The following CTTNBP2 variants were observed in gnomAD, a reference collection of about 807,000 sequenced individuals.
The protein encoded by CTTNBP2 is cortactin binding protein 2.
CTTNBP2 carries 108 observed loss-of-function variants against 156.9 expected under a neutral mutation model. The ratio of observed to expected loss-of-function variants is 0.69; its 90% confidence interval spans 0.59 to 0.81. CTTNBP2 has a LOEUF of 0.81. CTTNBP2 is among the 30% of genes least tolerant of loss of function. CTTNBP2 has a pLI of 0.00. For missense variants in CTTNBP2, 1,924 were observed against 2,035.4 expected, an observed-to-expected ratio of 0.95 and a Z score of 1.05; for synonymous variants, 767 against 751.8, an observed-to-expected ratio of 1.02 and a Z score of -0.33.
chr7:117,807,830 T>C (rs1321918750), intron 3 of CTTNBP2, among the ~76,000 whole-genome samples: 1 of 152,218 alleles, frequency 6.6e-6, no homozygotes, highest in East Asian at 1.9e-4. Context: ...TTGTTTGTGA[T>C]GCTGGCTGGG....
At chr7:117,814,710 G>A (rs1205850176) in intron 2 of CTTNBP2, among the ~76,000 whole-genome samples, 1 of 152,214 alleles carries the variant, frequency 6.6e-6, no homozygotes, top group Non-Finnish European at 1.5e-5. Flanking sequence ...TTACAGGAGT[G>A]AGCCTCCGTG....
chr7:117,800,268 C>T (rs954064737), intron 3 of CTTNBP2, among the ~76,000 whole-genome samples: 1 of 151,916 alleles, frequency 6.6e-6, no homozygotes, highest in Non-Finnish European at 1.5e-5. Flanking sequence ...TCATCGTTTA[C>T]CTAAAATTCT....
At chr7:117,725,300 T>G in intron 17 of CTTNBP2, 43 bp from the exon 18 acceptor site, 1 of 1,544,654 alleles carries the variant, frequency 6.5e-7, no homozygotes, top group Non-Finnish European at 8.9e-7. Flanking sequence ...AGCAGGCTTC[T>G]CAATAATTAT....
intron 1 of CTTNBP2, among the ~76,000 whole-genome samples, chr7:117,867,388 T>C (rs773135673): frequency 5.9e-5 from 9 of 152,188 alleles, no homozygotes; most frequent in Non-Finnish European, 1.3e-4. Flanking sequence ...TCTGCTCTAT[T>C]ACTTCACTTG....
rs555247736 is a variant in CTTNBP2, at chr7:117,719,503, C to T, written c.4644+1G>A. 9.9e-6 allele frequency: 16 copies of T among 1,613,346 alleles called. No individual in the cohort carries two copies. Among genetic ancestry groups the T allele is most frequent in the Middle Eastern group, 1.7e-4 (1 of 6,054 alleles). On this transcript the variant is annotated splice_donor_variant, in intron 21 of 22. Transcript: ENST00000160373. LOFTEE classifies it high-confidence loss of function. Reference sequence around the variant, plus strand: ...CAATGCCCCCCATTTGTACTGCTCACCTTGCTGATATCAGACTCAGACTTG... The same window carrying T: ...CAATGCCCCCCATTTGTACTGCTCATCTTGCTGATATCAGACTCAGACTTG...
chr7:117,758,744 G>A (rs1797024176), intron 10 of CTTNBP2, among the ~76,000 whole-genome samples: 1 of 152,140 alleles, frequency 6.6e-6, no homozygotes, highest in Non-Finnish European at 1.5e-5. Flanking sequence ...TTATGAAGTG[G>A]TTACAGCGAG....
At chr7:117,852,847 A>C (rs923989754) in intron 2 of CTTNBP2, among the ~76,000 whole-genome samples, 1 of 152,158 alleles carries the variant, frequency 6.6e-6, no homozygotes, top group African/African-American at 2.4e-5. Flanking sequence ...ACAATCCATA[A>C]ATGACAACTT....
chr7:117,798,502 T>A (rs998452575), intron 3 of CTTNBP2, among the ~76,000 whole-genome samples: 6 of 152,060 alleles, frequency 3.9e-5, no homozygotes, highest in Non-Finnish European at 8.8e-5. Context: ...TAAGAGGAAA[T>A]CACAAAGTAA....
chr7:117,778,705 T>G (rs898910605), intron 7 of CTTNBP2, among the ~76,000 whole-genome samples: 3 of 152,174 alleles, frequency 2.0e-5, no homozygotes, highest in Non-Finnish European at 4.4e-5. Flanking sequence ...CTATCTACAG[T>G]CTCTTCATCT....
At chr7:117,861,997 T>C (rs533612708) in intron 1 of CTTNBP2, among the ~76,000 whole-genome samples, 1 of 151,656 alleles carries the variant, frequency 6.6e-6, no homozygotes, top group South Asian at 2.1e-4. Context: ...AGCCAGGAAG[T>C]AGCTGCCCCT....
At chr7:117,796,909 C>T (rs1310763983) in intron 3 of CTTNBP2, among the ~76,000 whole-genome samples, 1 of 152,130 alleles carries the variant, frequency 6.6e-6, no homozygotes, top group African/African-American at 2.4e-5. Flanking sequence ...AATTCTCCTG[C>T]AGATAATAAT....
At chr7:117,713,728 A>C (rs1794183798) in intron 22 of CTTNBP2, 1 of 152,206 alleles carries the variant, frequency 6.6e-6, no homozygotes, top group African/African-American at 2.4e-5. Context: ...AGCCCAACAC[A>C]ACATGTTCAT....
rs771923574 is a variant in CTTNBP2 at position 117,777,682 on chromosome 7, A to G, written c.2607T>C (p.Ala869=). 1 of 1,614,098 alleles carries G rather than the reference A, an allele frequency of 6.2e-7. No homozygotes were observed. The highest frequency in any genetic ancestry group is 1.7e-5 in the Admixed American group (1 of 60,020). ...CCTCCTCATTGAAAGAATTTCCATG[A>G]GCTGGTATTCTATGGTACATAAGAA... The part of the protein sequence containing the change: ...LKLLMYHRIP[A]HGNSFNEEES... Residue 869 remains alanine (A), a synonymous_variant, in exon 8 of 23, where the codon GCT becomes GCC. Coordinates refer to ENST00000160373, the MANE Select transcript of CTTNBP2 (RefSeq NM_033427.3).
intron 4 of CTTNBP2, among the ~76,000 whole-genome samples, chr7:117,788,148 T>C (rs780528898): frequency 3.3e-5 from 5 of 152,120 alleles, no homozygotes; most frequent in Non-Finnish European, 7.4e-5. Flanking sequence ...CTAATTTTTA[T>C]ATTTTTTGTA....
In CTTNBP2 at chr7:117,786,343, A is replaced by G. The variant is rs907019547; in HGVS notation, c.2069-1889T>C. ...TTATGATATTTTCCTACTGATACTC[A>G]TTAGCTCTTCTTACAAAAGTAGTAT... On this transcript the variant is annotated intron_variant, in intron 4 of 22. Transcript: ENST00000160373. 9 of 419,992 alleles carry G rather than the reference A, an allele frequency of 2.1e-5. 1 individual carries two copies. The highest frequency in any genetic ancestry group is 2.9e-5 in the Non-Finnish European group (6 of 208,458). The allele number at this position is 419,992 out of a possible 1,614,324, so 26.0% of individuals were successfully genotyped here.
chr7:117,800,809 T>C (rs1002690634), intron 3 of CTTNBP2, among the ~76,000 whole-genome samples: 1 of 152,120 alleles, frequency 6.6e-6, no homozygotes, highest in African/African-American at 2.4e-5. Context: ...TTTGTGTACA[T>C]ATGAATATGA....
chr7:117,866,603 C>T (rs1002473491), intron 1 of CTTNBP2, among the ~76,000 whole-genome samples: 4 of 152,122 alleles, frequency 2.6e-5, no homozygotes, highest in African/African-American at 9.7e-5. Context: ...AGCAATGTGG[C>T]TAGGGAAGAA....
chr7:117,803,577 TGAAAA>T (rs1799753312), intron 3 of CTTNBP2, among the ~76,000 whole-genome samples: 1 of 151,976 alleles, frequency 6.6e-6, no homozygotes, highest in Non-Finnish European at 1.5e-5. Context: ...AGTTTAAAAA[TGAAAA>T]GAAAAGAAAG....
At chr7:117,872,322 G>A (rs900146357) in intron 1 of CTTNBP2, 1 of 152,340 alleles carries the variant, frequency 6.6e-6, no homozygotes, top group Non-Finnish European at 1.5e-5. Context: ...ATAGGAAGAG[G>A]GGGGCGTCCA....
Sources: allele counts gnomAD v4.1 joint callset (sites outside exome capture counted in the v4.1 genomes callset), GRCh38; gene constraint gnomAD v4.1.1; transcripts MANE v1.5; gene names NCBI Gene and HGNC (gene_info 2026-07-23, HGNC 2026-07-21).